Variants in LRRC37A2 observed in about 807,000 individuals in gnomAD.
LRRC37A2 encodes leucine-rich repeat-containing protein 37A2.
In LRRC37A2, 9 loss-of-function variants were observed where a neutral mutation model predicts 68.8. That is an observed-to-expected ratio of 0.13 (90% CI 0.08 to 0.23). The LOEUF is 0.23. Among genes scored for constraint, LRRC37A2 ranks in the 10% least tolerant of loss-of-function variants. The pLI is 1.00. For missense variants in LRRC37A2, 168 were observed against 950.4 expected (o/e 0.18, Z 10.82); for synonymous variants, 63 against 367.6 (o/e 0.17, Z 9.48).
At chr17:46,966,593 C>T in the LRRC37A2 span, 3 of 689,872 alleles carry the variant, frequency 4.3e-6, no homozygotes, top group Non-Finnish European at 7.9e-6. Flanking sequence ...AAGAGATCCT[C>T]CTGCATCAGC....
chr17:46,721,756 G>A, the LRRC37A2 span: 54 of 1,602,792 alleles, frequency 3.4e-5, no homozygotes, highest in African/African-American at 7.0e-4. Context: ...CCACAATTTC[G>A]CTTGGGAAGA....
At chr17:46,717,483 TG>T in the LRRC37A2 span, among the ~76,000 whole-genome samples, 1 of 152,020 alleles carries the variant, frequency 6.6e-6, no homozygotes, top group African/African-American at 2.4e-5. Flanking sequence ...GAGGCTGAGG[TG>T]GGGGGATCAT....
At chr17:46,501,417 C>T in the LRRC37A2 span, among the ~76,000 whole-genome samples, 1 of 151,200 alleles carries the variant, frequency 6.6e-6, no homozygotes, top group African/African-American at 2.5e-5. Context: ...TCAAATGATC[C>T]ACCCGCCTTC....
the LRRC37A2 span, chr17:46,818,668 A>ACAAAGTC: frequency 2.9e-6 from 4 of 1,382,162 alleles, no homozygotes; most frequent in Non-Finnish European, 2.0e-6. Flanking sequence ...AATAGTTGGA[A>ACAAAGTC]CAAAGTCCAC....
the LRRC37A2 span, among the ~76,000 whole-genome samples, chr17:46,902,933 C>T: frequency 7.2e-5 from 11 of 152,278 alleles, no homozygotes; most frequent in East Asian, 2.1e-3. Flanking sequence ...TAGCCAATGA[C>T]AGTTGAAGGG....
chr17:46,710,513 T>C, the LRRC37A2 span, among the ~76,000 whole-genome samples: 1 of 152,352 alleles, frequency 6.6e-6, no homozygotes, highest in South Asian at 2.1e-4. Flanking sequence ...GAACATGATC[T>C]TCTCATTACC....
At chr17:46,747,742 A>G in the LRRC37A2 span, among the ~76,000 whole-genome samples, 3 of 152,178 alleles carry the variant, frequency 2.0e-5, no homozygotes, top group Non-Finnish European at 2.9e-5. Flanking sequence ...AAGAAATAAA[A>G]ACTAAGAGTA....
chr17:46,941,034 A>G, the LRRC37A2 span: 1 of 1,092,444 alleles, frequency 9.2e-7, no homozygotes, highest in Non-Finnish European at 1.1e-6. Flanking sequence ...TCTTAGGTCG[A>G]GCTGATGCAA....
chr17:46,925,175 T>C, the LRRC37A2 span, among the ~76,000 whole-genome samples: 7 of 152,342 alleles, frequency 4.6e-5, no homozygotes, highest in Non-Finnish European at 7.3e-5. Flanking sequence ...CTGTGGGCTA[T>C]ACGGTCTCTG....
the LRRC37A2 span, among the ~76,000 whole-genome samples, chr17:47,023,415 G>A: frequency 6.6e-6 from 1 of 152,130 alleles, no homozygotes; most frequent in South Asian, 2.1e-4. Flanking sequence ...TGCTAGGCAC[G>A]GTGGCTCACG....
At chr17:46,774,114 G>A in the LRRC37A2 span, among the ~76,000 whole-genome samples, 1 of 152,380 alleles carries the variant, frequency 6.6e-6, no homozygotes, top group East Asian at 1.9e-4. Flanking sequence ...CCCTCTGGCT[G>A]CATCCAGCTT....
At chr17:46,798,230 A>G in the LRRC37A2 span, among the ~76,000 whole-genome samples, 5 of 152,202 alleles carry the variant, frequency 3.3e-5, no homozygotes, top group Admixed American at 3.3e-4. Context: ...TGCCCAGCCA[A>G]AAACCAGTAT....
chr17:46,824,643 C>G, the LRRC37A2 span, among the ~76,000 whole-genome samples: 3 of 152,242 alleles, frequency 2.0e-5, no homozygotes, highest in Non-Finnish European at 4.4e-5. Flanking sequence ...ACTCCCTCCA[C>G]AAGACTGCTG....
the LRRC37A2 span, among the ~76,000 whole-genome samples, chr17:46,679,450 A>G: frequency 7.5e-6 from 1 of 132,796 alleles, no homozygotes; most frequent in Admixed American, 7.6e-5. Flanking sequence ...AAATTCATGT[A>G]AGCTCCTTAT....
chr17:46,765,633 G>A, the LRRC37A2 span, among the ~76,000 whole-genome samples: 2 of 152,244 alleles, frequency 1.3e-5, no homozygotes, highest in Non-Finnish European at 2.9e-5. Context: ...AGTGCATCCC[G>A]CAGGCTCCCG....
At chr17:46,941,416 T>A in the LRRC37A2 span, 1 of 984,076 alleles carries the variant, frequency 1.0e-6, no homozygotes, top group Non-Finnish European at 1.2e-6. Context: ...ATGGCCCCCT[T>A]TTTTTATGTT....
the LRRC37A2 span, among the ~76,000 whole-genome samples, chr17:46,948,356 C>T: frequency 6.6e-6 from 1 of 152,248 alleles, no homozygotes; most frequent in Non-Finnish European, 1.5e-5. Flanking sequence ...GCATAGGACC[C>T]AGGTCTGATC....
chr17:46,946,204 G>A, the LRRC37A2 span, among the ~76,000 whole-genome samples: 8 of 150,198 alleles, frequency 5.3e-5, no homozygotes, highest in African/African-American at 2.0e-4. Context: ...GGGAGGCCGA[G>A]GTGGGCAGAT....
chr17:46,863,759 C>T, the LRRC37A2 span, among the ~76,000 whole-genome samples: 82 of 152,296 alleles, frequency 5.4e-4, no homozygotes, highest in African/African-American at 1.9e-3. Context: ...AGAGACTAGC[C>T]TGGCTGAGGG....
Sources: allele counts gnomAD v4.1 joint callset (sites outside exome capture counted in the v4.1 genomes callset), GRCh38; gene constraint gnomAD v4.1.1; transcripts MANE v1.5; gene names NCBI Gene and HGNC (gene_info 2026-07-23, HGNC 2026-07-21).